Variants in TASOR2 observed in about 807,000 individuals in gnomAD.
The protein encoded by TASOR2 is protein TASOR 2.
In TASOR2, 84 loss-of-function variants were observed where a neutral mutation model predicts 199.5. The observed-to-expected ratio is 0.42, with a 90% CI of 0.35 to 0.50. The LOEUF is 0.50. Ranked by LOEUF, TASOR2 falls within the 20% of genes least tolerant of loss-of-function variation. The pLI is 0.02. For synonymous variants in TASOR2, 1,103 were observed against 1,046.6 expected (o/e 1.05, Z -1.04); for missense variants, 2,796 against 2,835.9 (o/e 0.99, Z 0.32).
chr10:5,741,163 C>T (rs921730208), intron 13 of TASOR2, among the ~76,000 whole-genome samples: 4 of 152,180 alleles, frequency 2.6e-5, no homozygotes, highest in African/African-American at 9.7e-5. Context: ...TTGGGAGAGG[C>T]CTGACATTCT....
In TASOR2 at chr10:5,738,794, C is replaced by T. The variant is rs1464629400; in HGVS notation, c.1448-824C>T. Among the ~76,000 whole-genome samples, 3 of 152,088 alleles carry T rather than the reference C, an allele frequency of 2.0e-5. No individual in the cohort carries two copies. Among genetic ancestry groups the T allele is most frequent in the Admixed American group, 2.0e-4 (3 of 15,274 alleles). ...TGCCTAGCAGAGTTGTGAAGTTTAT[C>T]CTTCATAATAACAGCATTTAGGAAG... is the stretch of plus-strand genomic sequence containing the variant. On this transcript the variant is annotated intron_variant, in intron 12 of 20. Transcript: ENST00000328090. The surrounding 1 kb of genome is among the most constrained non-coding windows in gnomAD (Gnocchi z 4.7).
rs753348244 is a variant in TASOR2, at chr10:5,758,902, T to C, written c.6902T>C (p.Ile2301Thr). 4 of 1,613,062 alleles carry C rather than the reference T, an allele frequency of 2.5e-6. No individual in the cohort carries two copies. In the Admixed American group the frequency reaches 6.7e-5, roughly 27 times the overall value. The change falls in exon 18 of 21, where the codon ATT becomes ACT. Residue 2301 changes from isoleucine (I) to threonine (T), a missense_variant. Coordinates refer to ENST00000328090, the Ensembl canonical transcript of TASOR2. Reference sequence around the variant, plus strand: ...TGTTTTGTAGTTCAACTGAAGGAAATTATCAAAATCCTGGAAAAACTAAAT... The same window carrying C: ...TGTTTTGTAGTTCAACTGAAGGAAACTATCAAAATCCTGGAAAAACTAAAT...
intron 1 of TASOR2, among the ~76,000 whole-genome samples, chr10:5,702,712 C>G (rs533436154): frequency 5.9e-4 from 75 of 127,696 alleles, no homozygotes; most frequent in African/African-American, 2.0e-3. Context: ...ACGGGCAAAA[C>G]TGGAGCCCCA....
At chr10:5,702,634 C>A (rs1169092307) in intron 1 of TASOR2, among the ~76,000 whole-genome samples, 6 of 96,284 alleles carry the variant, frequency 6.2e-5, no homozygotes, top group African/African-American at 1.6e-4. Flanking sequence ...CTAAAATGGT[C>A]ATTTTTTTTT....
At position 5,730,449 on chromosome 10, in the gene TASOR2, T is replaced by C; in HGVS notation, c.488-38T>C. On this transcript the variant is annotated intron_variant, in intron 10 of 20. Transcript: ENST00000328090. The surrounding 1 kb of genome is among the most constrained non-coding windows in gnomAD (Gnocchi z 4.1). ...TCCAGAATGTTTTGTTTTTAAAAAA[T>C]AAACTTCAGATGTTTAATACGTGTG... 1 of 1,419,046 alleles carries C rather than the reference T, an allele frequency of 7.0e-7. No individual in the cohort carries two copies. The highest frequency in any genetic ancestry group is 9.4e-7 in the Non-Finnish European group (1 of 1,061,026). 87.9% of individuals were successfully genotyped at this position (1,419,046 alleles called of 1,614,324 possible).
At position 5,740,060 on chromosome 10, in the gene TASOR2, C is replaced by G. The variant is rs1412387206; in HGVS notation, c.1890C>G (p.Ala630=). The G allele has an allele frequency of 6.2e-7, 1 of 1,613,918 alleles. No homozygotes were observed. Among genetic ancestry groups the G allele is most frequent in the South Asian group, 1.1e-5 (1 of 91,084 alleles). The change falls in exon 13 of 21, where the codon GCC becomes GCG. Residue 630 remains alanine, a synonymous_variant. Transcript: ENST00000328090. This position sits in a 1 kb window ranked among gnomAD's most constrained non-coding sequence, Gnocchi z 5.3. ...CTTGTAGTCAGGCCCCTGCTAAAGC[C>G]CAGTCAGCACTTACTGAGGAAATGC...
At position 5,742,380 on chromosome 10, in the gene TASOR2, C is replaced by G; in HGVS notation, c.2611C>G (p.Pro871Ala). 3 of 1,614,096 alleles carry G rather than the reference C, an allele frequency of 1.9e-6. No individual in the cohort carries two copies. The highest frequency in any genetic ancestry group is 2.5e-6 in the Non-Finnish European group (3 of 1,180,014). The change falls in exon 14 of 21, where the codon CCT (proline) becomes GCT (alanine). Residue 871 changes from proline to alanine, a missense_variant. By Grantham distance (27) the Pro-to-Ala change is conservative (BLOSUM62 -1). Coordinates refer to ENST00000328090, the Ensembl canonical transcript of TASOR2. This position sits in a 1 kb window ranked among gnomAD's most constrained non-coding sequence, Gnocchi z 4.2. Reference sequence around the variant, plus strand: ...TGCTGCTGAAGTATCCTTCCGTGATCCTAACTGCTTGCTTCCTTTCATTAA... The same window carrying G: ...TGCTGCTGAAGTATCCTTCCGTGATGCTAACTGCTTGCTTCCTTTCATTAA...
intron 12 of TASOR2, among the ~76,000 whole-genome samples, chr10:5,739,079 A>G (rs926196216): frequency 4.6e-5 from 7 of 152,240 alleles, no homozygotes; most frequent in African/African-American, 1.7e-4. Flanking sequence ...TTAAAGATCA[A>G]TATAGTTAAA....
At chr10:5,734,869 T>G (rs1482735820) in intron 11 of TASOR2, among the ~76,000 whole-genome samples, 1 of 151,892 alleles carries the variant, frequency 6.6e-6, no homozygotes, top group Non-Finnish European at 1.5e-5. Flanking sequence ...GCTAATTTGT[T>G]TATTTTTTTG....
rs78692345 is a variant in TASOR2 at position 5,742,510 on chromosome 10, G to T, written c.2741G>T (p.Cys914Phe). 2.5e-6 allele frequency: 4 copies of T among 1,613,154 alleles called. No individual in the cohort carries two copies. In the South Asian group the frequency reaches 4.4e-5, roughly 18 times the overall value. The change falls in exon 14 of 21, where the codon TGT (cysteine) becomes TTT (phenylalanine). Residue 914 changes from cysteine to phenylalanine, a missense_variant. Cys to Phe is a radical substitution (Grantham distance 205). This residue lies in a region of TASOR2 where 1,941 missense variants were observed against 1,924.9 expected (regional missense o/e 1.01). Coordinates refer to ENST00000328090, the Ensembl canonical transcript of TASOR2. The surrounding 1 kb of genome is among the most constrained non-coding windows in gnomAD (Gnocchi z 4.2). ...ACCCAAGAAGACCAGAATTTCATCT[G>T]TTCTTACAATAATGAGGTATGTAAA...
exon 11 of TASOR2, chr10:5,731,025 G>T: frequency 6.2e-7 from 1 of 1,614,060 alleles, no homozygotes; most frequent in Non-Finnish European, 8.5e-7. Flanking sequence ...TGAGTCCAGC[G>T]TCAAATCTGA....
chr10:5,693,661 A>G (rs1485397423), intron 1 of TASOR2, among the ~76,000 whole-genome samples: 4 of 152,378 alleles, frequency 2.6e-5, no homozygotes, highest in South Asian at 2.1e-4. Flanking sequence ...AACCACAACT[A>G]TAACTGGCTG....
rs1478400718 is a variant in TASOR2, at chr10:5,722,698, A to T, written c.147-979A>T. Among the ~76,000 whole-genome samples the T allele has an allele frequency of 6.6e-6, 1 of 152,078 alleles. No individual in the cohort carries two copies. Among genetic ancestry groups the T allele is most frequent in the Non-Finnish European group, 1.5e-5 (1 of 68,014 alleles). On this transcript the variant is annotated intron_variant, in intron 6 of 20. Transcript: ENST00000328090. This position sits in a 1 kb window ranked among gnomAD's most constrained non-coding sequence, Gnocchi z 4.0. Reference sequence around the variant, plus strand: ...TTTTGTATAAGTGTAAAAGCATTTTAAAATGAGTTTTTAAAAAGGAAACAG... The same window carrying T: ...TTTTGTATAAGTGTAAAAGCATTTTTAAATGAGTTTTTAAAAAGGAAACAG...
At position 5,738,406 on chromosome 10, in the gene TASOR2, A is replaced by T. The variant is rs12269580; in HGVS notation, c.1448-1212A>T. Among the ~76,000 whole-genome samples, 1 of 152,244 alleles carries T rather than the reference A, an allele frequency of 6.6e-6. No homozygotes were observed. Among genetic ancestry groups the T allele is most frequent in the Admixed American group, 6.5e-5 (1 of 15,286 alleles). On this transcript the variant is annotated intron_variant, in intron 12 of 20. Transcript: ENST00000328090. This position sits in a 1 kb window ranked among gnomAD's most constrained non-coding sequence, Gnocchi z 4.7. ...TGTAAGGGATAAGTAGATGGAGGCC[A>T]TAATATTAACAAAGAATGAAATTAG...
intron 1 of TASOR2, among the ~76,000 whole-genome samples, chr10:5,692,268 C>T (rs1438054903): frequency 6.6e-6 from 1 of 151,912 alleles, no homozygotes; most frequent in African/African-American, 2.4e-5. Context: ...GCCGGTGAGG[C>T]TGCATAAATG....
chr10:5,684,878 G>A lies in TASOR2; in HGVS notation c.-585G>A. ...CGCCGGTCAGAGAGAAAGTCGGCATGTTCTCGCAGGCTGCCGGGCGTCCCG... is the reference window on the plus strand; with the variant it reads ...CGCCGGTCAGAGAGAAAGTCGGCATATTCTCGCAGGCTGCCGGGCGTCCCG... On this transcript the variant is annotated 5_prime_UTR_variant, in exon 1 of 21. The change abolishes an upstream ATG in the 5' untranslated region. Transcript: ENST00000328090. The A allele has an allele frequency of 2.5e-6, 1 of 393,372 alleles. No homozygotes were observed. The highest frequency in any genetic ancestry group is 4.5e-6 in the Non-Finnish European group (1 of 222,236). The allele number at this position is 393,372 out of a possible 1,614,324, so 24.4% of individuals were successfully genotyped here. A position where few individuals can be genotyped will look rare whatever the true frequency, so the allele number is the denominator to read the frequency against.
In TASOR2 at chr10:5,685,664, A is replaced by AAGC. The variant is rs1293134338; in HGVS notation, c.-288+490_-288+492dup. ...GGAGGGTCATTTCAGCAGCAAGCGC[A>AAGC]AGCCGCGTTGGGATAACTTGGTGCG... On this transcript the variant is annotated intron_variant, in intron 1 of 20. Transcript: ENST00000328090. The surrounding 1 kb of genome is among the most constrained non-coding windows in gnomAD (Gnocchi z 5.4). 6.6e-6 allele frequency among the ~76,000 whole-genome samples: 1 copy of AAGC among 152,218 alleles called. No individual in the cohort carries two copies.
In TASOR2 at chr10:5,748,575, C is replaced by T. The variant is rs771323761; in HGVS notation, c.5154C>T (p.Asn1718=). 3 of 1,613,628 alleles carry T rather than the reference C, an allele frequency of 1.9e-6. No individual in the cohort carries two copies. The highest frequency in any genetic ancestry group is 1.3e-5 in the African/African-American group (1 of 75,058). Residue 1718 remains asparagine (N), a synonymous_variant, in exon 15 of 21, where the codon AAC becomes AAT. Coordinates refer to ENST00000328090, the Ensembl canonical transcript of TASOR2. This position sits in a 1 kb window ranked among gnomAD's most constrained non-coding sequence, Gnocchi z 5.1. The stretch of plus-strand genomic sequence containing the variant: ...CAGGCACTGCTGGCCCTCAGTCCAA[C>T]ACCACATCTTCTCTAAAAGGTGAAC...
In TASOR2 at chr10:5,719,228, T is replaced by G. The variant is rs1344298882; in HGVS notation, c.-99-1316T>G. Among the ~76,000 whole-genome samples, 3 of 152,234 alleles carry G rather than the reference T, an allele frequency of 2.0e-5. No individual in the cohort carries two copies. Among genetic ancestry groups the G allele is most frequent in the Non-Finnish European group, 2.9e-5 (2 of 68,032 alleles). ...TATAGTCCCATATCCCATTTTGATA[T>G]AAGTTAATAACATCTTGTGAACATT... On this transcript the variant is annotated intron_variant, in intron 3 of 20. Coordinates refer to ENST00000328090, the Ensembl canonical transcript of TASOR2. This position sits in a 1 kb window ranked among gnomAD's most constrained non-coding sequence, Gnocchi z 4.1.
Sources: allele counts gnomAD v4.1 joint callset (sites outside exome capture counted in the v4.1 genomes callset), GRCh38; gene constraint gnomAD v4.1.1; regional missense constraint gnomAD v4.1.1; non-coding constraint Gnocchi (gnomAD v3.1); transcripts MANE v1.5; gene names NCBI Gene and HGNC (gene_info 2026-07-23, HGNC 2026-07-21).